The following LOXHD1 variants were observed in gnomAD, a reference collection of about 807,000 sequenced individuals.
LOXHD1 encodes the protein lipoxygenase homology domain-containing protein 1.
A neutral mutation model predicts 248.2 loss-of-function variants in LOXHD1; 205 were observed. The observed-to-expected ratio is 0.83, with a 90% CI of 0.74 to 0.93. The LOEUF is 0.93. Ranked by LOEUF, LOXHD1 falls within the 40% of genes least tolerant of loss-of-function variation. The probability of loss-of-function intolerance (pLI) is 0.00; values close to 1 mark genes in which losing one functional copy is unlikely to be tolerated. For synonymous variants in LOXHD1, 1,113 were observed against 1,162.8 expected, an observed-to-expected ratio of 0.96 and a Z score of 0.87; for missense variants, 2,930 against 2,971.6, an observed-to-expected ratio of 0.99 and a Z score of 0.33.
chr18:46,490,994 G>A (rs955966407), intron 37 of LOXHD1, among the ~76,000 whole-genome samples: 1 of 152,230 alleles, frequency 6.6e-6, no homozygotes, highest in Non-Finnish European at 1.5e-5. Flanking sequence ...AAATGAGGCA[G>A]AGGAGACCTG....
At chr18:46,589,854 G>A (rs541883187) in intron 12 of LOXHD1, among the ~76,000 whole-genome samples, 1 of 152,264 alleles carries the variant, frequency 6.6e-6, no homozygotes, top group African/African-American at 2.4e-5. Context: ...TTGATGAGGA[G>A]GGAAAATAAG....
chr18:46,563,901 C>T (rs536622584), intron 17 of LOXHD1, among the ~76,000 whole-genome samples: 1 of 152,182 alleles, frequency 6.6e-6, no homozygotes, highest in East Asian at 1.9e-4. Context: ...CACAGTAATG[C>T]AGAGAGCAGT....
In LOXHD1 at chr18:46,529,224, A is replaced by T; in HGVS notation, c.4483T>A (p.Tyr1495Asn). 1.3e-6 allele frequency: 2 copies of T among 1,551,546 alleles called. No homozygotes were observed. Among genetic ancestry groups the T allele is most frequent in the Non-Finnish European group, 1.7e-6 (2 of 1,146,962 alleles). The change falls in exon 29 of 41, where the codon TAC (tyrosine) becomes AAC (asparagine). Residue 1495 changes from tyrosine (Y) to asparagine (N), a missense_variant. By Grantham distance (143) the Tyr-to-Asn change is moderately radical. Coordinates refer to ENST00000642948, the MANE Select transcript of LOXHD1 (RefSeq NM_001384474.1). ...YGDLGDTGER[Y>N]LGKSENRTNK... ...GTCCGGTTCTCTGACTTGCCAAGGT[A>T]TCGCTCCCCAGTGTCCCCGAGGTCT...
chr18:46,521,845 T>C (rs1019582961), intron 32 of LOXHD1, among the ~76,000 whole-genome samples: 3 of 152,200 alleles, frequency 2.0e-5, no homozygotes, highest in African/African-American at 7.2e-5. Context: ...GGCACTAAGT[T>C]TGTGATAATT....
rs114398710 is a variant in LOXHD1 at position 46,528,816 on chromosome 18, A to G, written c.4530+361T>C. Among the ~76,000 whole-genome samples the G allele has an allele frequency of 2.0e-3, 312 of 152,306 alleles. 1 individual carries two copies. Among genetic ancestry groups the G allele is most frequent in the African/African-American group, 6.9e-3 (286 of 41,564 alleles). On this transcript the variant is annotated intron_variant, in intron 29 of 40. Transcript: ENST00000642948. ...CCACAGTTCAAGTCTCTGTCAGCAC[A>G]GCCCCTGCCATTCTGCAGTGTTCAC...
chr18:46,529,032 G>A, intron 29 of LOXHD1, 145 bp downstream of exon 29: 1 of 976,662 alleles, frequency 1.0e-6, no homozygotes. Flanking sequence ...CACTTGCAAG[G>A]GAAGGGCAAG....
intron 12 of LOXHD1, among the ~76,000 whole-genome samples, chr18:46,590,774 C>A (rs2038151797): frequency 6.6e-6 from 1 of 152,180 alleles, no homozygotes; most frequent in African/African-American, 2.4e-5. Context: ...AGATTTAACT[C>A]TGTCTCTAAC....
Position 46,572,141 on chromosome 18 carries a change from A to T in LOXHD1, c.1992T>A (p.Asp664Glu), listed in dbSNP as rs1168914939. 3 of 1,551,760 alleles carry T rather than the reference A, an allele frequency of 1.9e-6. No individual in the cohort carries two copies. The highest frequency in any genetic ancestry group is 1.7e-6 in the Non-Finnish European group (2 of 1,147,032). The change falls in exon 15 of 41, where the codon GAT (aspartate) becomes GAA (glutamate). Residue 664 changes from aspartate (D) to glutamate (E), a missense_variant. Coordinates refer to ENST00000642948, the MANE Select transcript of LOXHD1 (RefSeq NM_001384474.1). Reference protein sequence around the residue: ...PCLRWLDKDKDDGQLVRELLP... With the variant: ...PCLRWLDKDKEDGQLVRELLP... ...GCAACTCTCGGACCAGCTGCCCATC[A>T]TCCTTATCCTTGTCCAACCACCTGG...
At chr18:46,513,975 G>A (rs1169635692) in intron 34 of LOXHD1, among the ~76,000 whole-genome samples, 1 of 152,158 alleles carries the variant, frequency 6.6e-6, no homozygotes, top group Non-Finnish European at 1.5e-5. Context: ...AAGTAACTGG[G>A]ACACAAAAGA....
At chr18:46,655,975 GACAA>G (rs1172501249) in intron 1 of LOXHD1, among the ~76,000 whole-genome samples, 2 of 152,226 alleles carry the variant, frequency 1.3e-5, no homozygotes, top group Non-Finnish European at 2.9e-5. Flanking sequence ...GAAAGGGGAA[GACAA>G]ACAAGGCCAT....
chr18:46,634,820 GCA>G (rs2038872495), intron 4 of LOXHD1, among the ~76,000 whole-genome samples: 1 of 152,172 alleles, frequency 6.6e-6, no homozygotes, highest in Admixed American at 6.5e-5. Context: ...TGTTTAATGG[GCA>G]CAGTTTCAGG....
At chr18:46,578,745 GCAA>G in intron 13 of LOXHD1, among the ~76,000 whole-genome samples, 1 of 152,334 alleles carries the variant, frequency 6.6e-6, no homozygotes, top group Non-Finnish European at 1.5e-5. Flanking sequence ...TCACTTCACT[GCAA>G]CAACGACTCT....
At chr18:46,614,447 T>C (rs1185926569) in intron 5 of LOXHD1, among the ~76,000 whole-genome samples, 1 of 152,144 alleles carries the variant, frequency 6.6e-6, no homozygotes, top group East Asian at 1.9e-4. Flanking sequence ...GAAACCATCA[T>C]TCTGAGCAAA....
intron 11 of LOXHD1, 129 bp downstream of exon 11, chr18:46,592,369 C>T (rs2038187316): frequency 2.5e-6 from 2 of 815,820 alleles, no homozygotes; most frequent in Non-Finnish European, 3.9e-6. Context: ...ATTCAGGTCT[C>T]ACCATAACCC....
At chr18:46,571,889 C>T (rs187742657) in intron 15 of LOXHD1, among the ~76,000 whole-genome samples, 197 bp downstream of exon 15, 104 of 152,326 alleles carry the variant, frequency 6.8e-4, no homozygotes, top group Non-Finnish European at 5.6e-4. Flanking sequence ...GGCCTCACAC[C>T]TGAGGCCACA....
intron 37 of LOXHD1, among the ~76,000 whole-genome samples, chr18:46,502,076 A>T (rs2034266146): frequency 6.6e-6 from 1 of 152,218 alleles, no homozygotes; most frequent in South Asian, 2.1e-4. Flanking sequence ...AGAAATAAAC[A>T]TTTTAAATAT....
intron 29 of LOXHD1, among the ~76,000 whole-genome samples, chr18:46,525,921 T>G (rs2035807809): frequency 6.6e-6 from 1 of 152,064 alleles, no homozygotes; most frequent in African/African-American, 2.4e-5. Flanking sequence ...ACATCCTGTG[T>G]GAGGACTAGA....
At chr18:46,506,806 T>C (rs1469564334) in intron 36 of LOXHD1, among the ~76,000 whole-genome samples, 1 of 152,222 alleles carries the variant, frequency 6.6e-6, no homozygotes. Context: ...GGCCAACAAG[T>C]TAATCCTTCA....
In LOXHD1 at chr18:46,485,167, T is replaced by A; in HGVS notation, c.6050-16A>T. ...ATCTCGTAGGCTGTAATGGAGGAGGTGGGGGAGGGTCAGCACAGGGGAAGC... is the reference window on the plus strand; with the variant it reads ...ATCTCGTAGGCTGTAATGGAGGAGGAGGGGGAGGGTCAGCACAGGGGAAGC... On this transcript the variant is annotated splice_polypyrimidine_tract_variant and intron_variant, in intron 38 of 40. Transcript: ENST00000642948. 1 of 1,543,212 alleles carries A rather than the reference T, an allele frequency of 6.5e-7. No homozygotes were observed. The highest frequency in any genetic ancestry group is 1.4e-5 in the African/African-American group (1 of 71,254).
Sources: gnomAD v4.1 joint callset for allele counts (sites outside exome capture counted in the v4.1 genomes callset) on GRCh38, gnomAD v4.1.1 for gene constraint, MANE v1.5 for transcripts, NCBI Gene and HGNC (gene_info 2026-07-23, HGNC 2026-07-21) for gene names.